The following TOP1 variants were observed in gnomAD, a reference collection of about 807,000 sequenced individuals.
TOP1 encodes the protein DNA topoisomerase 1.
Under a neutral mutation model 111.1 loss-of-function variants are expected in TOP1, and 10 were observed. The observed-to-expected ratio is 0.09, with a 90% CI of 0.06 to 0.15. The LOEUF is 0.15. Among genes scored for constraint, TOP1 ranks in the 10% least tolerant of loss-of-function variants. The probability of loss-of-function intolerance (pLI) is 1.00; values close to 1 mark genes in which losing one functional copy is unlikely to be tolerated. For missense variants in TOP1, 474 were observed against 926.7 expected, an observed-to-expected ratio of 0.51 and a Z score of 6.34; for synonymous variants, 271 against 302.9, an observed-to-expected ratio of 0.89 and a Z score of 1.10.
rs956602384 is a variant in TOP1, at chr20:41,102,609, CAAAT to C, written c.1308+1263_1308+1266del. 3.3e-5 allele frequency among the ~76,000 whole-genome samples: 5 copies of C among 152,182 alleles called. No homozygotes were observed. Among genetic ancestry groups the C allele is most frequent in the East Asian group, 3.9e-4 (2 of 5,174 alleles). Reference sequence around the variant, plus strand: ...TGGGCAAGAGACTTAGACTCTGTCTCAAATAAATAACTAAATACATAAATAAAAA... The same window carrying C: ...TGGGCAAGAGACTTAGACTCTGTCTCAAATAACTAAATACATAAATAAAAA... On this transcript the variant is annotated intron_variant, in intron 13 of 20. Coordinates refer to ENST00000361337, the MANE Select transcript of TOP1 (RefSeq NM_003286.4). This position sits in a 1 kb window ranked among gnomAD's most constrained non-coding sequence, Gnocchi z 4.0.
At chr20:41,060,007 G>A (rs899216916) in intron 2 of TOP1, among the ~76,000 whole-genome samples, 52 of 152,156 alleles carry the variant, frequency 3.4e-4, no homozygotes, top group African/African-American at 1.0e-3. Flanking sequence ...TGCTAGAATG[G>A]CTAAAATTAA....
At chr20:41,084,340 A>G (rs2033822722) in intron 7 of TOP1, 122 bp from the exon 8 acceptor site, 2 of 514,332 alleles carry the variant, frequency 3.9e-6, no homozygotes, top group Admixed American at 3.3e-5. Flanking sequence ...GAGGAGTACT[A>G]AGATCTTCTT....
In TOP1 at chr20:41,076,236, C is replaced by T; in HGVS notation, c.221C>T (p.Ser74Leu). ...AAGACCAAACACAAAGATGGAAGCT[C>T]AGAAAAGCATAAAGACAAACATAAA... is the stretch of plus-strand genomic sequence containing the variant. The part of the protein sequence containing the change: ...KEKTKHKDGS[S>L]EKHKDKHKDR... The change falls in exon 4 of 21, where the codon TCA becomes TTA. Residue 74 changes from serine (S) to leucine (L), a missense_variant. Ser to Leu is a moderately radical substitution (Grantham distance 145, BLOSUM62 -2). Transcript: ENST00000361337. 6.2e-7 allele frequency: 1 copy of T among 1,601,792 alleles called. No homozygotes were observed. The highest frequency in any genetic ancestry group is 1.1e-5 in the South Asian group (1 of 90,714).
rs543041710 is a variant in TOP1 at position 41,083,059 on chromosome 20, GT to G, written c.508-1396del. ...CATTAAACCTCACTCGCCAACTATAGTTTTTTTGTTTTTTGTTTTTTTCTCT... is the reference window on the plus strand; with the variant it reads ...CATTAAACCTCACTCGCCAACTATAGTTTTTTGTTTTTTGTTTTTTTCTCT... On this transcript the variant is annotated intron_variant, in intron 7 of 20. Coordinates refer to ENST00000361337, the MANE Select transcript of TOP1 (RefSeq NM_003286.4). This position sits in a 1 kb window ranked among gnomAD's most constrained non-coding sequence, Gnocchi z 7.2. 6.0e-3 allele frequency among the ~76,000 whole-genome samples: 920 copies of G among 152,144 alleles called. 5 individuals carry two copies. The highest frequency in any genetic ancestry group is 0.019 in the South Asian group (90 of 4,816).
chr20:41,123,387 G>C lies in TOP1; in HGVS notation c.*90G>C. 1.1e-6 allele frequency: 1 copy of C among 889,360 alleles called. No individual in the cohort carries two copies. Among genetic ancestry groups the C allele is most frequent in the South Asian group, 1.5e-5 (1 of 65,598 alleles). 55.1% of individuals were successfully genotyped at this position (889,360 alleles called of 1,614,324 possible). ...AGCCTCACTTGCCCTCGTGCCTGGGGGAGAGAGGCAGCAAGTCTTAACAAA... is the reference window on the plus strand; with the variant it reads ...AGCCTCACTTGCCCTCGTGCCTGGGCGAGAGAGGCAGCAAGTCTTAACAAA... On this transcript the variant is annotated 3_prime_UTR_variant, in exon 21 of 21. Transcript: ENST00000361337. This position sits in a 1 kb window ranked among gnomAD's most constrained non-coding sequence, Gnocchi z 5.8.
chr20:41,114,769 A>G lies in TOP1; in HGVS notation c.1639-602A>G, dbSNP rs969642517. On this transcript the variant is annotated intron_variant, in intron 15 of 20. Transcript: ENST00000361337. This position sits in a 1 kb window ranked among gnomAD's most constrained non-coding sequence, Gnocchi z 4.5. ...AGGGTACTATAGCTCTGTAGTCCCA[A>G]CCTAATCTTTTCCATAGTATTGGGC... is the stretch of plus-strand genomic sequence containing the variant. Among the ~76,000 whole-genome samples, 3 of 152,196 alleles carry G rather than the reference A, an allele frequency of 2.0e-5. No individual in the cohort carries two copies. Among genetic ancestry groups the G allele is most frequent in the African/African-American group, 7.2e-5 (3 of 41,436 alleles).
At chr20:41,033,232 A>T (rs1024981400) in intron 2 of TOP1, among the ~76,000 whole-genome samples, 2 of 152,124 alleles carry the variant, frequency 1.3e-5, no homozygotes, top group African/African-American at 4.8e-5. Context: ...AAACTAAATA[A>T]TATAGCTAGC....
rs1046507033 is a variant in TOP1 at position 41,032,238 on chromosome 20, T to TC, written c.58+2790dup. On this transcript the variant is annotated intron_variant, in intron 2 of 20. Coordinates refer to ENST00000361337, the MANE Select transcript of TOP1 (RefSeq NM_003286.4). The surrounding 1 kb of genome is among the most constrained non-coding windows in gnomAD (Gnocchi z 4.3). Reference sequence around the variant, plus strand: ...CCTCATCCCCTAAGATATAAAAGATTCCCCCCCGTCCCCCCACTTTGGAGC... The same window carrying TC: ...CCTCATCCCCTAAGATATAAAAGATTCCCCCCCCGTCCCCCCACTTTGGAGC... 1.4e-4 allele frequency among the ~76,000 whole-genome samples: 22 copies of TC among 151,870 alleles called. No homozygotes were observed. The highest frequency in any genetic ancestry group is 4.6e-4 in the Admixed American group (7 of 15,210).
In TOP1 at chr20:41,029,236, G is replaced by C. The variant is rs1181804457; in HGVS notation, c.33+136G>C. On this transcript the variant is annotated intron_variant, in intron 1 of 20. Coordinates refer to ENST00000361337, the MANE Select transcript of TOP1 (RefSeq NM_003286.4). This position sits in a 1 kb window ranked among gnomAD's most constrained non-coding sequence, Gnocchi z 6.1. Reference sequence around the variant, plus strand: ...CCCCGGTGAGGGGCCGCCTGCCGGAGTAGATCGGCTCGCTAGGCCGCGAGC... The same window carrying C: ...CCCCGGTGAGGGGCCGCCTGCCGGACTAGATCGGCTCGCTAGGCCGCGAGC... 1.2e-6 allele frequency: 1 copy of C among 807,296 alleles called. No homozygotes were observed. 50.0% of individuals were successfully genotyped at this position (807,296 alleles called of 1,614,324 possible). A position where few individuals can be genotyped will look rare whatever the true frequency, so the allele number is the denominator to read the frequency against.
chr20:41,076,513 T>A (rs998633878), intron 4 of TOP1, among the ~76,000 whole-genome samples: 2 of 152,232 alleles, frequency 1.3e-5, no homozygotes, highest in Admixed American at 6.5e-5. Flanking sequence ...TTACCTTTTT[T>A]ACTTTATATT....
Position 41,107,598 on chromosome 20 carries a change from C to T in TOP1, c.1309-5184C>T, listed in dbSNP as rs2034167515. Among the ~76,000 whole-genome samples the T allele has an allele frequency of 2.0e-5, 3 of 152,050 alleles. No homozygotes were observed. In the Middle Eastern group the frequency reaches 0.01, roughly 517 times the overall value. ...CATTTTTGTTTTATAATTTCATGTT[C>T]TTTCTAGATTTTACATCTTTTTATG... On this transcript the variant is annotated intron_variant, in intron 13 of 20. Transcript: ENST00000361337.
Position 41,098,463 on chromosome 20 carries a change from T to TA in TOP1, c.975+127dup. The TA allele has an allele frequency of 2.7e-6, 3 of 1,113,030 alleles. No individual in the cohort carries two copies. The highest frequency in any genetic ancestry group is 3.8e-6 in the Non-Finnish European group (3 of 789,418). 68.9% of individuals were successfully genotyped at this position (1,113,030 alleles called of 1,614,324 possible). ...TTCACATCATTCTATGCTAAAGACT[T>TA]AGAGTTCTCAAAGTCTAAATTTTCT... On this transcript the variant is annotated intron_variant, in intron 11 of 20. Transcript: ENST00000361337. The surrounding 1 kb of genome is among the most constrained non-coding windows in gnomAD (Gnocchi z 5.7).
At chr20:41,038,868 G>C (rs558500030) in intron 2 of TOP1, among the ~76,000 whole-genome samples, 5 of 152,082 alleles carry the variant, frequency 3.3e-5, no homozygotes, top group East Asian at 1.9e-4. Context: ...CATGCCTGTA[G>C]TCCCAGCTAC....
Position 41,101,123 on chromosome 20 carries a change from T to C in TOP1, c.1164-86T>C. On this transcript the variant is annotated intron_variant, in intron 12 of 20. Coordinates refer to ENST00000361337, the MANE Select transcript of TOP1 (RefSeq NM_003286.4). This position sits in a 1 kb window ranked among gnomAD's most constrained non-coding sequence, Gnocchi z 4.1. Reference sequence around the variant, plus strand: ...AAGAAGGAAACTTGGAAAATTATGCTCAGCAGATAGGTCCACTTGGGGTCA... The same window carrying C: ...AAGAAGGAAACTTGGAAAATTATGCCCAGCAGATAGGTCCACTTGGGGTCA... 6.9e-7 allele frequency: 1 copy of C among 1,447,724 alleles called. No individual in the cohort carries two copies. Among genetic ancestry groups the C allele is most frequent in the Non-Finnish European group, 9.6e-7 (1 of 1,046,314 alleles). The allele number at this position is 1,447,724 out of a possible 1,614,324, so 89.7% of individuals were successfully genotyped here.
chr20:41,033,159 T>G (rs1335941001), intron 2 of TOP1, among the ~76,000 whole-genome samples: 1 of 152,064 alleles, frequency 6.6e-6, no homozygotes, highest in African/African-American at 2.4e-5. Flanking sequence ...ATGTTTCTAG[T>G]AAAAACAAGA....
chr20:41,121,794 T>G lies in TOP1; in HGVS notation c.2045+4T>G. 2 of 1,613,594 alleles carry G rather than the reference T, an allele frequency of 1.2e-6. No homozygotes were observed. The highest frequency in any genetic ancestry group is 2.2e-5 in the South Asian group (2 of 91,072). ...TGAAGGATGCAAAGACGAAGAAGTA[T>G]GTACCTGGTATTGTGAAAGTTGGGG... On this transcript the variant is annotated splice_donor_region_variant and intron_variant, in intron 19 of 20. Transcript: ENST00000361337. This position sits in a 1 kb window ranked among gnomAD's most constrained non-coding sequence, Gnocchi z 4.2.
rs1050160114 is a variant in TOP1 at position 41,082,447 on chromosome 20, A to G, written c.507+1207A>G. Among the ~76,000 whole-genome samples the G allele has an allele frequency of 2.6e-5, 4 of 152,228 alleles. No homozygotes were observed. The highest frequency in any genetic ancestry group is 9.6e-5 in the African/African-American group (4 of 41,458). ...TTTAATCATTTGCCTGAGGTCACAT[A>G]GCTACTAAGGTGGAAAAGCCAGCAT... On this transcript the variant is annotated intron_variant, in intron 7 of 20. Transcript: ENST00000361337. The surrounding 1 kb of genome is among the most constrained non-coding windows in gnomAD (Gnocchi z 4.1).
In TOP1 at chr20:41,069,875, C is replaced by T. The variant is rs542306314; in HGVS notation, c.156-6296C>T. 5.3e-5 allele frequency among the ~76,000 whole-genome samples: 8 copies of T among 151,924 alleles called. No homozygotes were observed. The highest frequency in any genetic ancestry group is 1.2e-4 in the African/African-American group (5 of 41,404). ...TCAAAGATGGTTAAAATTTTGCTAA[C>T]GGAAAGTAATGGTTAGAAAGAAAAA... On this transcript the variant is annotated intron_variant, in intron 3 of 20. Transcript: ENST00000361337. This position sits in a 1 kb window ranked among gnomAD's most constrained non-coding sequence, Gnocchi z 4.1.
In TOP1 at chr20:41,115,563, C is replaced by T. The variant is rs1463442681; in HGVS notation, c.1707+124C>T. On this transcript the variant is annotated intron_variant, in intron 16 of 20. Coordinates refer to ENST00000361337, the MANE Select transcript of TOP1 (RefSeq NM_003286.4). The surrounding 1 kb of genome is among the most constrained non-coding windows in gnomAD (Gnocchi z 6.3). ...TAGCCTGGCCTGCTCTGTGGCATCC[C>T]ATACACTCTCTCTTCCTCCCTCTGA... 1.5e-6 allele frequency: 1 copy of T among 667,364 alleles called. No individual in the cohort carries two copies. Among genetic ancestry groups the T allele is most frequent in the Non-Finnish European group, 2.7e-6 (1 of 374,098 alleles). 41.3% of individuals were successfully genotyped at this position (667,364 alleles called of 1,614,324 possible).
Sources: gnomAD v4.1 joint callset for allele counts (sites outside exome capture counted in the v4.1 genomes callset) on GRCh38, gnomAD v4.1.1 for gene constraint, Gnocchi (gnomAD v3.1) non-coding constraint, MANE v1.5 for transcripts, NCBI Gene and HGNC (gene_info 2026-07-23, HGNC 2026-07-21) for gene names.